BACH2: variants seen among roughly 807,000 people sequenced by gnomAD.
The protein encoded by BACH2 is transcription regulator protein BACH2.
Under a neutral mutation model 61.8 loss-of-function variants are expected in BACH2, and 5 were observed. The observed-to-expected ratio is 0.08, with a 90% confidence interval of 0.04 to 0.17. The LOEUF (loss-of-function observed/expected upper bound fraction) is 0.17, where lower values mean the gene tolerates loss of function less well. Ranked by LOEUF, BACH2 falls within the 10% of genes least tolerant of loss-of-function variation. The probability of loss-of-function intolerance (pLI) is 1.00; values close to 1 mark genes in which losing one functional copy is unlikely to be tolerated. For missense variants in BACH2, 824 were observed against 1,091.1 expected (o/e 0.76, Z 3.45); for synonymous variants, 446 against 440.1 (o/e 1.01, Z -0.17).
intron 3 of BACH2, among the ~76,000 whole-genome samples, chr6:90,235,368 T>C (rs941581565): frequency 1.3e-5 from 2 of 152,200 alleles, no homozygotes; most frequent in Non-Finnish European, 2.9e-5. Flanking sequence ...AGTAATTACA[T>C]CACAGGGTTG....
At chr6:90,101,854 T>C (rs1782641289) in intron 4 of BACH2, among the ~76,000 whole-genome samples, 1 of 151,998 alleles carries the variant, frequency 6.6e-6, no homozygotes, top group African/African-American at 2.4e-5. Flanking sequence ...TAATTTTCAG[T>C]GTTCAAGTCT....
intron 5 of BACH2, among the ~76,000 whole-genome samples, chr6:90,043,048 G>C (rs563587598): frequency 6.6e-6 from 1 of 152,286 alleles, no homozygotes; most frequent in South Asian, 2.1e-4. Context: ...AATGAAAAGA[G>C]TTAAGGGTAA....
chr6:90,140,962 T>C (rs1418678002), intron 4 of BACH2, among the ~76,000 whole-genome samples: 2 of 152,140 alleles, frequency 1.3e-5, no homozygotes, highest in African/African-American at 2.4e-5. Flanking sequence ...CAGATATTCA[T>C]CAAGGTTACT....
chr6:90,052,104 T>A (rs1780074112), intron 5 of BACH2, among the ~76,000 whole-genome samples: 1 of 152,176 alleles, frequency 6.6e-6, no homozygotes. Context: ...TTTAGGGGCA[T>A]AGTATGAGGG....
At chr6:90,267,328 A>G (rs1201377186) in intron 2 of BACH2, among the ~76,000 whole-genome samples, 1 of 152,054 alleles carries the variant, frequency 6.6e-6, no homozygotes, top group African/African-American at 2.4e-5. Context: ...AAAGAAGCAC[A>G]CTCTTGCTGG....
intron 8 of BACH2, among the ~76,000 whole-genome samples, chr6:89,933,607 G>T (rs529675094): frequency 5.9e-5 from 9 of 152,130 alleles, no homozygotes; most frequent in Non-Finnish European, 1.3e-4. Flanking sequence ...GACAGTGGGG[G>T]AGGCTGTGTG....
chr6:90,020,087 A>C (rs1023712342), intron 5 of BACH2, among the ~76,000 whole-genome samples: 1 of 152,178 alleles, frequency 6.6e-6, no homozygotes, highest in African/African-American at 2.4e-5. Context: ...AATATATTAC[A>C]TTATTTCTGG....
At chr6:90,086,632 G>A (rs1440883931) in intron 5 of BACH2, among the ~76,000 whole-genome samples, 1 of 152,130 alleles carries the variant, frequency 6.6e-6, no homozygotes, top group African/African-American at 2.4e-5. Context: ...GATCCAGCAG[G>A]AGCCTGAAGC....
At chr6:90,238,212 C>T (rs1770321765) in intron 3 of BACH2, among the ~76,000 whole-genome samples, 1 of 152,160 alleles carries the variant, frequency 6.6e-6, no homozygotes, top group Middle Eastern at 3.2e-3. Context: ...TATCTGTTCT[C>T]TCTTATCGAT....
At chr6:90,005,324 G>A (rs1777351860) in intron 6 of BACH2, among the ~76,000 whole-genome samples, 2 of 151,774 alleles carry the variant, frequency 1.3e-5, no homozygotes, top group Admixed American at 1.3e-4. Context: ...GTGTAGATGG[G>A]TCAAATGTGA....
In BACH2 at chr6:89,929,855, T is replaced by C. The variant is rs1772540132; in HGVS notation, c.*2553A>G. On this transcript the variant is annotated 3_prime_UTR_variant, in exon 9 of 9. Coordinates refer to ENST00000257749, the MANE Select transcript of BACH2 (RefSeq NM_021813.4). Reference sequence around the variant, plus strand: ...TATGATATGAGCAGAAAGTGTTCTTTTTTTAAAAGAAGAGGAGAGGTCACT... The same window carrying C: ...TATGATATGAGCAGAAAGTGTTCTTCTTTTAAAAGAAGAGGAGAGGTCACT... The C allele has an allele frequency of 6.6e-6, 1 of 152,290 alleles. No homozygotes were observed. Among genetic ancestry groups the C allele is most frequent in the African/African-American group, 2.4e-5 (1 of 41,430 alleles). The allele number at this position is 152,290 out of a possible 1,614,324, so 9.4% of individuals were successfully genotyped here. A position where few individuals can be genotyped will look rare whatever the true frequency, so the allele number is the denominator to read the frequency against.
At chr6:90,258,420 A>T (rs894226983) in intron 2 of BACH2, among the ~76,000 whole-genome samples, 1 of 152,088 alleles carries the variant, frequency 6.6e-6, no homozygotes, top group African/African-American at 2.4e-5. Flanking sequence ...CCACTGGTCT[A>T]TGTGTCTGTT....
chr6:90,249,062 A>G (rs1260415205), intron 3 of BACH2, among the ~76,000 whole-genome samples: 1 of 152,254 alleles, frequency 6.6e-6, no homozygotes, highest in Non-Finnish European at 1.5e-5. Context: ...TCTTTGATTC[A>G]GAGATAAACT....
At chr6:90,294,141 C>A (rs555021526) in intron 1 of BACH2, among the ~76,000 whole-genome samples, 1 of 152,176 alleles carries the variant, frequency 6.6e-6, no homozygotes, top group Non-Finnish European at 1.5e-5. Context: ...ACACACTTAA[C>A]TGAGAAGTGT....
chr6:90,280,981 T>C (rs927552072), intron 1 of BACH2, among the ~76,000 whole-genome samples: 3 of 152,182 alleles, frequency 2.0e-5, no homozygotes, highest in Non-Finnish European at 4.4e-5. Context: ...TTAGAACTGA[T>C]AGGTTTCCAG....
chr6:90,031,348 G>T (rs1248072142), intron 5 of BACH2, among the ~76,000 whole-genome samples: 1 of 152,086 alleles, frequency 6.6e-6, no homozygotes, highest in Non-Finnish European at 1.5e-5. Context: ...TGGAAGTTCT[G>T]GCCAGGGCAA....
intron 2 of BACH2, among the ~76,000 whole-genome samples, chr6:90,269,682 T>C (rs1479607842): frequency 6.6e-6 from 1 of 152,146 alleles, no homozygotes. Context: ...GGACTTTCCA[T>C]AATAAAAGAG....
rs549781910 is a variant in BACH2, at chr6:90,173,065, G to A, written c.-162+33504C>T. ...CTCTAGGGTAAGCGTGGAAAAAAGA[G>A]AATGGTGTGTACAACTGTTAAATTA... On this transcript the variant is annotated intron_variant, in intron 4 of 8. Coordinates refer to ENST00000257749, the MANE Select transcript of BACH2 (RefSeq NM_021813.4). Among the ~76,000 whole-genome samples the A allele has an allele frequency of 4.0e-5, 6 of 151,512 alleles. No homozygotes were observed. The East Asian group carries it at 1.2e-3, about 29-fold the overall frequency.
chr6:89,939,210 T>C (rs866512662), intron 7 of BACH2, among the ~76,000 whole-genome samples: 15 of 152,286 alleles, frequency 9.8e-5, no homozygotes, highest in African/African-American at 3.1e-4. Context: ...GAGAGGCCCA[T>C]GTGGAGAGGG....
Sources: gnomAD v4.1 joint callset for allele counts (sites outside exome capture counted in the v4.1 genomes callset) on GRCh38, gnomAD v4.1.1 for gene constraint, MANE v1.5 for transcripts, NCBI Gene and HGNC (gene_info 2026-07-23, HGNC 2026-07-21) for gene names.